Variants in CTDSPL2 observed in about 807,000 individuals in gnomAD.
The protein encoded by CTDSPL2 is CTD small phosphatase like 2, also known as CTD small phosphatase-like protein 2.
In CTDSPL2, 5 loss-of-function variants were observed where a neutral mutation model predicts 60.0. The observed-to-expected ratio is 0.08, with a 90% CI of 0.04 to 0.18. The LOEUF is 0.18. Ranked by LOEUF, CTDSPL2 falls within the 10% of genes least tolerant of loss-of-function variation. The pLI, the probability that CTDSPL2 is intolerant of heterozygous loss-of-function variation, is 1.00. For synonymous variants in CTDSPL2, 186 were observed against 189.3 expected, an observed-to-expected ratio of 0.98 and a Z score of 0.14; for missense variants, 370 against 548.8, an observed-to-expected ratio of 0.67 and a Z score of 3.26.
chr15:44,474,487 C>A (rs201865894), intron 2 of CTDSPL2, among the ~76,000 whole-genome samples: 1 of 151,576 alleles, frequency 6.6e-6, no homozygotes, highest in East Asian at 2.0e-4. Flanking sequence ...GAGACTCTGT[C>A]GTCTTTGTTT....
intron 1 of CTDSPL2, among the ~76,000 whole-genome samples, chr15:44,453,189 G>T (rs1186852688): frequency 6.6e-6 from 1 of 152,118 alleles, no homozygotes; most frequent in Non-Finnish European, 1.5e-5. Context: ...TTGAATAGAA[G>T]TGGTGAGAGG....
Position 44,486,716 on chromosome 15 carries a change from T to A in CTDSPL2, c.475+16T>A. 1.3e-6 allele frequency: 2 copies of A among 1,497,966 alleles called. No individual in the cohort carries two copies. Among genetic ancestry groups the A allele is most frequent in the South Asian group, 1.3e-5 (1 of 74,750 alleles). The allele number at this position is 1,497,966 out of a possible 1,614,324, so 92.8% of individuals were successfully genotyped here. ...AATAAAAATGGTAAGTATAAACTGTTAACTGTGATTTGGATTTTTTTTAAA... is the reference window on the plus strand; with the variant it reads ...AATAAAAATGGTAAGTATAAACTGTAAACTGTGATTTGGATTTTTTTTAAA... On this transcript the variant is annotated intron_variant, in intron 4 of 12. Transcript: ENST00000260327.
intron 2 of CTDSPL2, among the ~76,000 whole-genome samples, chr15:44,460,276 A>C (rs2080539727): frequency 6.6e-6 from 1 of 151,818 alleles, no homozygotes; most frequent in South Asian, 2.1e-4. Flanking sequence ...ACACCAGCTA[A>C]TTTTTGTATT....
At position 44,469,581 on chromosome 15, in the gene CTDSPL2, A is replaced by T. The variant is rs201540465; in HGVS notation, c.186+10381A>T. Among the ~76,000 whole-genome samples the T allele has an allele frequency of 9.9e-5, 15 of 152,264 alleles. No individual in the cohort carries two copies. In the East Asian group the frequency reaches 2.7e-3, roughly 27 times the overall value. On this transcript the variant is annotated intron_variant, in intron 2 of 12. Transcript: ENST00000260327. ...TTATTCATTTCGATTCAAGAATATT[A>T]ATATACTCTGTATAATTTGATTTCT...
At position 44,490,882 on chromosome 15, in the gene CTDSPL2, A is replaced by T; in HGVS notation, c.574A>T (p.Thr192Ser). 6.2e-7 allele frequency: 1 copy of T among 1,613,906 alleles called. No homozygotes were observed. The highest frequency in any genetic ancestry group is 8.5e-7 in the Non-Finnish European group (1 of 1,179,832). ...GGTGGATGAGATCACTACCAGTACT[A>T]CTACATCAACTAATGGAGCAGCTTA... ...EQVDEITTSTTTSTNGAAYSN... is the reference protein window; with the variant it reads ...EQVDEITTSTSTSTNGAAYSN... The change falls in exon 5 of 13, where the codon ACT becomes TCT. Residue 192 changes from threonine to serine, a missense_variant. Thr to Ser is a moderately conservative substitution (Grantham distance 58). Around this residue, in one of 6 missense-constraint regions of CTDSPL2, gnomAD observed 287 missense variants for 296.1 expected, o/e 0.97. Coordinates refer to ENST00000260327, the MANE Select transcript of CTDSPL2 (RefSeq NM_016396.3).
intron 7 of CTDSPL2, among the ~76,000 whole-genome samples, chr15:44,498,431 C>A (rs77919597): frequency 0.03 from 4,586 of 151,990 alleles, 248 homozygotes; most frequent in African/African-American, 0.11. Flanking sequence ...CACGTCTCTA[C>A]AAAAAATGAA....
At chr15:44,464,750 A>G (rs922872688) in intron 2 of CTDSPL2, among the ~76,000 whole-genome samples, 8 of 152,190 alleles carry the variant, frequency 5.3e-5, no homozygotes, top group African/African-American at 1.4e-4. Flanking sequence ...TCTGTCGCCC[A>G]GGCTGGAATG....
intron 7 of CTDSPL2, among the ~76,000 whole-genome samples, chr15:44,497,751 T>C (rs981442886): frequency 3.3e-5 from 5 of 152,092 alleles, no homozygotes; most frequent in African/African-American, 1.2e-4. Flanking sequence ...TCCTAGAACT[T>C]TGGGAGGCCG....
intron 1 of CTDSPL2, among the ~76,000 whole-genome samples, chr15:44,435,256 C>CA (rs35787192): frequency 0.045 from 2,022 of 45,064 alleles, 81 homozygotes; most frequent in East Asian, 0.22. Context: ...GACTCCGTCT[C>CA]AAAAAAAAAA....
rs1229306107 is a variant in CTDSPL2, at chr15:44,524,802, A to G, written c.*628A>G. 1 of 152,624 alleles carries G rather than the reference A, an allele frequency of 6.6e-6. No homozygotes were observed. Among genetic ancestry groups the G allele is most frequent in the Non-Finnish European group, 1.5e-5 (1 of 68,044 alleles). 9.5% of individuals were successfully genotyped at this position (152,624 alleles called of 1,614,324 possible). On this transcript the variant is annotated 3_prime_UTR_variant, in exon 13 of 13. Transcript: ENST00000260327. Reference sequence around the variant, plus strand: ...CCTGCTTTGTCTGCCTGCACATTGTATATTTGTTTAAAAATATTCTCTACT... The same window carrying G: ...CCTGCTTTGTCTGCCTGCACATTGTGTATTTGTTTAAAAATATTCTCTACT...
intron 1 of CTDSPL2, among the ~76,000 whole-genome samples, chr15:44,433,361 A>C (rs1182609633): frequency 1.3e-5 from 2 of 151,370 alleles, no homozygotes; most frequent in African/African-American, 4.9e-5. Flanking sequence ...GACAAAAAAC[A>C]GCCGAAACAG....
In CTDSPL2 at chr15:44,433,461, C is replaced by T. The variant is rs200799997; in HGVS notation, c.-25+5689C>T. On this transcript the variant is annotated intron_variant, in intron 1 of 12. Transcript: ENST00000260327. Reference sequence around the variant, plus strand: ...TAAATGTTTTATATACATATATATACACACACACACACACACACACACACA... The same window carrying T: ...TAAATGTTTTATATACATATATATATACACACACACACACACACACACACA... 6.0e-3 allele frequency among the ~76,000 whole-genome samples: 167 copies of T among 27,906 alleles called. 2 individuals carry two copies. The highest frequency in any genetic ancestry group is 0.035 in the African/African-American group (85 of 2,432). The allele number at this position is 27,906 out of a possible 152,430, so 18.3% of individuals were successfully genotyped here.
chr15:44,465,917 A>G lies in CTDSPL2; in HGVS notation c.186+6717A>G, dbSNP rs565700384. 8.7e-4 allele frequency among the ~76,000 whole-genome samples: 126 copies of G among 145,382 alleles called. 1 individual carries two copies. The highest frequency in any genetic ancestry group is 1.2e-4 in the Non-Finnish European group (8 of 66,576). ...TTTAGTAGAGACAGGGTTTCACCAT[A>G]TTGGCCAGGCTGGTCTTGAACTCTT... is the stretch of plus-strand genomic sequence containing the variant. On this transcript the variant is annotated intron_variant, in intron 2 of 12. Coordinates refer to ENST00000260327, the MANE Select transcript of CTDSPL2 (RefSeq NM_016396.3).
intron 1 of CTDSPL2, among the ~76,000 whole-genome samples, chr15:44,455,668 A>G (rs1426793317): frequency 6.6e-6 from 1 of 152,050 alleles, no homozygotes; most frequent in Non-Finnish European, 1.5e-5. Flanking sequence ...TTCTACATCT[A>G]TTGAGATAAT....
intron 1 of CTDSPL2, among the ~76,000 whole-genome samples, chr15:44,439,013 A>G (rs1258808375): frequency 6.6e-6 from 1 of 152,070 alleles, no homozygotes; most frequent in Non-Finnish European, 1.5e-5. Context: ...ATGAATTCTT[A>G]GGCTAAAATA....
At chr15:44,494,959 A>G (rs969681541) in intron 5 of CTDSPL2, among the ~76,000 whole-genome samples, 7 of 152,032 alleles carry the variant, frequency 4.6e-5, no homozygotes, top group African/African-American at 1.7e-4. Flanking sequence ...TGCATAGAGT[A>G]GCATTTCTTA....
intron 8 of CTDSPL2, among the ~76,000 whole-genome samples, chr15:44,502,601 C>A (rs1352403574): frequency 6.6e-6 from 1 of 152,068 alleles, no homozygotes; most frequent in Non-Finnish European, 1.5e-5. Flanking sequence ...ATGACTGTGT[C>A]CCAGTACAAC....
chr15:44,468,150 C>G (rs1033993006), intron 2 of CTDSPL2, among the ~76,000 whole-genome samples: 4 of 152,114 alleles, frequency 2.6e-5, no homozygotes, highest in Non-Finnish European at 4.4e-5. Flanking sequence ...GCAGAATTCA[C>G]TGTTGAATTC....
At chr15:44,490,686 A>T in intron 4 of CTDSPL2, 98 bp from the exon 5 acceptor site, 1 of 855,852 alleles carries the variant, frequency 1.2e-6, no homozygotes, top group Non-Finnish European at 1.9e-6. Context: ...TGCAGGAATG[A>T]TCAGTCTAAA....
Sources: gnomAD v4.1 joint callset for allele counts (sites outside exome capture counted in the v4.1 genomes callset) on GRCh38, gnomAD v4.1.1 for gene constraint, gnomAD v4.1.1 regional missense constraint, MANE v1.5 for transcripts, NCBI Gene and HGNC (gene_info 2026-07-23, HGNC 2026-07-21) for gene names.